The following KAZN variants were observed in gnomAD, a reference collection of about 807,000 sequenced individuals.
KAZN encodes the protein kazrin.
KAZN carries 40 observed loss-of-function variants against 87.4 expected under a neutral mutation model. That is an observed-to-expected ratio of 0.46 (90% CI 0.36 to 0.60). The LOEUF is 0.60. Ranked by LOEUF, KAZN falls within the 20% of genes least tolerant of loss-of-function variation. The probability of loss-of-function intolerance (pLI) is 0.00; values close to 1 mark genes in which losing one functional copy is unlikely to be tolerated. For synonymous variants in KAZN, 466 were observed against 458.3 expected (o/e 1.02, Z -0.22); for missense variants, 898 against 1,073.9 (o/e 0.84, Z 2.29).
chr1:14,254,024 CTT>C (rs1272230645), intron 2 of KAZN, among the ~76,000 whole-genome samples: 1 of 151,794 alleles, frequency 6.6e-6, no homozygotes, highest in Non-Finnish European at 1.5e-5. Context: ...TATGAAATGT[CTT>C]AACTGTTAAG....
At chr1:14,826,067 C>T (rs987709393) in intron 1 of KAZN, among the ~76,000 whole-genome samples, 1 of 152,172 alleles carries the variant, frequency 6.6e-6, no homozygotes, top group African/African-American at 2.4e-5. Context: ...TGGACTCAGA[C>T]CCAAGTTTTA....
At chr1:13,933,448 C>T (rs1465627346) in intron 1 of KAZN, among the ~76,000 whole-genome samples, 8 of 152,162 alleles carry the variant, frequency 5.3e-5, no homozygotes, top group South Asian at 2.1e-4. Context: ...GCCGAGATCA[C>T]GCCATTGCAC....
intron 1 of KAZN, among the ~76,000 whole-genome samples, chr1:14,766,258 G>C (rs1266878524): frequency 6.6e-6 from 1 of 152,092 alleles, no homozygotes; most frequent in Non-Finnish European, 1.5e-5. Flanking sequence ...CAACTCCCTA[G>C]TCACAGCTCC....
chr1:14,666,966 C>T (rs189956906), intron 1 of KAZN, among the ~76,000 whole-genome samples: 84 of 152,280 alleles, frequency 5.5e-4, no homozygotes, highest in African/African-American at 1.9e-3. Context: ...GATCTCTTGA[C>T]GTCGTGATCC....
At chr1:15,060,022 G>A in intron 5 of KAZN, 150 bp from the exon 6 acceptor site, 1 of 965,762 alleles carries the variant, frequency 1.0e-6, no homozygotes. Context: ...TGTGGAGTAG[G>A]GGGTTGGAGA....
At chr1:14,952,611 C>T (rs868316845) in intron 1 of KAZN, among the ~76,000 whole-genome samples, 1 of 151,720 alleles carries the variant, frequency 6.6e-6, no homozygotes, top group Non-Finnish European at 1.5e-5. Context: ...GTGTCCACCC[C>T]GATGGTCAGC....
At chr1:14,979,698 G>C (rs1275048043) in intron 2 of KAZN, among the ~76,000 whole-genome samples, 1 of 152,018 alleles carries the variant, frequency 6.6e-6, no homozygotes, top group Non-Finnish European at 1.5e-5. Flanking sequence ...AGGCAGTAAT[G>C]ATGTGATAGA....
intron 1 of KAZN, among the ~76,000 whole-genome samples, chr1:14,020,356 C>T (rs1020894000): frequency 6.6e-6 from 1 of 152,156 alleles, no homozygotes; most frequent in Non-Finnish European, 1.5e-5. Flanking sequence ...GTAGGAGTTT[C>T]TGCCTACATG....
chr1:15,105,932 A>T (rs1483238482), intron 13 of KAZN, among the ~76,000 whole-genome samples: 2 of 152,028 alleles, frequency 1.3e-5, no homozygotes, highest in Non-Finnish European at 2.9e-5. Context: ...AGAGCACAGG[A>T]CTCTACATTT....
intron 2 of KAZN, among the ~76,000 whole-genome samples, chr1:14,464,188 G>C (rs189266936): frequency 6.6e-6 from 1 of 152,310 alleles, no homozygotes. Flanking sequence ...GTATAATTGA[G>C]AGAGTTGAGC....
Position 14,795,264 on chromosome 1 carries a change from G to A in KAZN, c.227-165420G>A, listed in dbSNP as rs150985348. On this transcript the variant is annotated intron_variant, in intron 1 of 14. Coordinates refer to ENST00000376030, the MANE Select transcript of KAZN (RefSeq NM_201628.3). ...CCTTTAGGACCCTGACTAATACAAT[G>A]GGTGAAATGAGAAGCAGTCCGTGAA... Among the ~76,000 whole-genome samples, 615 of 152,210 alleles carry A rather than the reference G, an allele frequency of 4.0e-3. 3 individuals are homozygous for A. The highest frequency in any genetic ancestry group is 0.014 in the African/African-American group (597 of 41,530).
chr1:14,988,441 G>A (rs1011213634), intron 2 of KAZN, among the ~76,000 whole-genome samples: 4 of 152,256 alleles, frequency 2.6e-5, no homozygotes, highest in Non-Finnish European at 4.4e-5. Flanking sequence ...GGGCCGCCTG[G>A]CAGCTCCACC....
intron 1 of KAZN, among the ~76,000 whole-genome samples, chr1:14,718,790 G>A (rs984921453): frequency 3.9e-5 from 6 of 152,144 alleles, no homozygotes; most frequent in African/African-American, 7.2e-5. Flanking sequence ...TACTGAATCC[G>A]CACCCTTTCC....
intron 1 of KAZN, among the ~76,000 whole-genome samples, chr1:14,703,049 G>A (rs1271624166): frequency 6.6e-6 from 1 of 152,178 alleles, no homozygotes; most frequent in Non-Finnish European, 1.5e-5. Context: ...AGGAAACTGA[G>A]GCTTTGAGAG....
chr1:14,092,488 CACAT>C (rs1378500049), intron 1 of KAZN, among the ~76,000 whole-genome samples: 1 of 151,204 alleles, frequency 6.6e-6, no homozygotes. Context: ...ACACAACACA[CACAT>C]ATTTTCACAT....
chr1:14,822,564 C>T (rs1386416612), intron 1 of KAZN, among the ~76,000 whole-genome samples: 1 of 152,210 alleles, frequency 6.6e-6, no homozygotes, highest in Non-Finnish European at 1.5e-5. Context: ...CCCTCCTGGG[C>T]TGCGTGTCCT....
chr1:14,203,109 T>C (rs1646672844), intron 2 of KAZN, among the ~76,000 whole-genome samples: 1 of 151,950 alleles, frequency 6.6e-6, no homozygotes, highest in Admixed American at 6.6e-5. Flanking sequence ...TGCATTATAC[T>C]AGATAATAAA....
At chr1:15,046,892 T>G (rs562542122) in intron 4 of KAZN, among the ~76,000 whole-genome samples, 1 of 152,352 alleles carries the variant, frequency 6.6e-6, no homozygotes, top group East Asian at 1.9e-4. Context: ...GTCTTTCTCA[T>G]GCCTTGTGGA....
At chr1:14,742,054 A>G (rs1209970576) in intron 1 of KAZN, among the ~76,000 whole-genome samples, 1 of 152,204 alleles carries the variant, frequency 6.6e-6, no homozygotes, top group African/African-American at 2.4e-5. Flanking sequence ...ATCCCCAAGC[A>G]AAGATTCCTC....
Sources: gnomAD v4.1 joint callset for allele counts (sites outside exome capture counted in the v4.1 genomes callset) on GRCh38, gnomAD v4.1.1 for gene constraint, MANE v1.5 for transcripts, NCBI Gene and HGNC (gene_info 2026-07-23, HGNC 2026-07-21) for gene names.